ALDH3A2: variants seen among roughly 807,000 people sequenced by gnomAD.
The protein encoded by ALDH3A2 is aldehyde dehydrogenase family 3 member A2.
A neutral mutation model predicts 51.3 loss-of-function variants in ALDH3A2; 36 were observed. The ratio of observed to expected loss-of-function variants is 0.70; its 90% CI spans 0.54 to 0.93. The LOEUF (loss-of-function observed/expected upper bound fraction) is 0.93, where lower values mean the gene tolerates loss of function less well. Among genes scored for constraint, ALDH3A2 ranks in the 40% least tolerant of loss-of-function variants. The pLI, the probability that ALDH3A2 is intolerant of heterozygous loss-of-function variation, is 0.00. For missense variants in ALDH3A2, 552 were observed against 603.1 expected (o/e 0.92, Z 0.89); for synonymous variants, 199 against 219.8 (o/e 0.91, Z 0.84).
intron 6 of ALDH3A2, among the ~76,000 whole-genome samples, chr17:19,662,319 A>G (rs2084976675): frequency 6.6e-6 from 1 of 152,192 alleles, no homozygotes; most frequent in Non-Finnish European, 1.5e-5. Context: ...CTCTGACCTG[A>G]GGAAGATGTG....
intron 9 of ALDH3A2, chr17:19,672,246 C>A (rs763584756): frequency 3.1e-5 from 15 of 482,176 alleles, no homozygotes; most frequent in Non-Finnish European, 4.9e-5. Context: ...GTTTGCTGAT[C>A]TCTGGTCTAA....
rs745394014 is a variant in ALDH3A2 at position 19,651,540 on chromosome 17, A to G, written c.154-7A>G. On this transcript the variant is annotated splice_polypyrimidine_tract_variant and splice_region_variant and intron_variant, in intron 1 of 9. Coordinates refer to ENST00000176643, the MANE Select transcript of ALDH3A2 (RefSeq NM_000382.3). ...CTGCAAGATTAACTGTGATTCTCTT[A>G]TAACAGAGTGAATTCAATGTGTACA... is the stretch of plus-strand genomic sequence containing the variant. 1.2e-6 allele frequency: 2 copies of G among 1,604,768 alleles called. No individual in the cohort carries two copies. Among genetic ancestry groups the G allele is most frequent in the Admixed American group, 1.7e-5 (1 of 60,026 alleles).
chr17:19,669,606 G>T (rs1255809019), intron 8 of ALDH3A2, among the ~76,000 whole-genome samples: 1 of 151,996 alleles, frequency 6.6e-6, no homozygotes, highest in Non-Finnish European at 1.5e-5. Context: ...TGTATGCCAG[G>T]TACTGCGGTT....
chr17:19,655,471 T>C (rs2084882329), intron 3 of ALDH3A2: 1 of 152,226 alleles, frequency 6.6e-6, no homozygotes, highest in Non-Finnish European at 1.5e-5. Context: ...TCTACCAGCT[T>C]CAGTTACCGT....
In ALDH3A2 at chr17:19,671,891, A is replaced by T; in HGVS notation, c.1378A>T (p.Asn460Tyr). The T allele has an allele frequency of 6.2e-7, 1 of 1,614,216 alleles. No homozygotes were observed. Among genetic ancestry groups the T allele is most frequent in the Non-Finnish European group, 8.5e-7 (1 of 1,180,040 alleles). Residue 460 changes from asparagine to tyrosine, a missense_variant, in exon 9 of 10, where the codon AAC (asparagine) becomes TAC (tyrosine). Coordinates refer to ENST00000176643, the MANE Select transcript of ALDH3A2 (RefSeq NM_000382.3). ...WGKFFLLKRF[N>Y]KEKLGLLLLT... is the part of the protein sequence containing the mutation. ...AAAATTTTTTCTCTTGAAACGGTTCAACAAAGAAAAACTCGGTCTCCTGTT... is the reference window on the plus strand; with the variant it reads ...AAAATTTTTTCTCTTGAAACGGTTCTACAAAGAAAAACTCGGTCTCCTGTT...
At chr17:19,655,138 A>C (rs1380351365) in intron 3 of ALDH3A2, 1 of 152,252 alleles carries the variant, frequency 6.6e-6, no homozygotes, top group Non-Finnish European at 1.5e-5. Context: ...TGAGTTCTAC[A>C]TGCAGTTGCT....
At chr17:19,652,842 A>G (rs909015389) in intron 3 of ALDH3A2, 108 of 569,574 alleles carry the variant, frequency 1.9e-4, no homozygotes, top group African/African-American at 1.9e-3. Context: ...TACACAATAT[A>G]TGTAGGCCCA....
chr17:19,675,880 A>G lies in ALDH3A2; in HGVS notation c.*308A>G. 1 of 415,660 alleles carries G rather than the reference A, an allele frequency of 2.4e-6. No individual in the cohort carries two copies. Among genetic ancestry groups the G allele is most frequent in the Non-Finnish European group, 4.5e-6 (1 of 223,356 alleles). 25.7% of individuals were successfully genotyped at this position (415,660 alleles called of 1,614,324 possible). A position where few individuals can be genotyped will look rare whatever the true frequency, so the allele number is the denominator to read the frequency against. On this transcript the variant is annotated 3_prime_UTR_variant, in exon 10 of 10. Transcript: ENST00000176643. ...AACTGCGGGGTTGTAAGGGAGTCTC[A>G]GAACCTCACTGAATCCTTCACTCCA...
chr17:19,661,945 C>G (rs1264397517), intron 6 of ALDH3A2: 3 of 151,794 alleles, frequency 2.0e-5, no homozygotes, highest in African/African-American at 7.3e-5. Context: ...ATTAGCAGTC[C>G]CGAGGTTCTC....
At position 19,654,802 on chromosome 17, in the gene ALDH3A2, C is replaced by T. The variant is rs1405268644; in HGVS notation, c.472-1564C>T. 3.3e-5 allele frequency among the ~76,000 whole-genome samples: 5 copies of T among 152,136 alleles called. No individual in the cohort carries two copies. Among genetic ancestry groups the T allele is most frequent in the Admixed American group, 6.5e-5 (1 of 15,274 alleles). On this transcript the variant is annotated intron_variant, in intron 3 of 9. Coordinates refer to ENST00000176643, the MANE Select transcript of ALDH3A2 (RefSeq NM_000382.3). The surrounding 1 kb of genome is among the most constrained non-coding windows in gnomAD (Gnocchi z 4.5). ...GGGCTGAAGGGCTCCTCAAGCGTGG[C>T]GAGAGTGGGTGCCAAGGCCAAGGAG...
chr17:19,649,383 T>A, intron 1 of ALDH3A2: 1 of 514,764 alleles, frequency 1.9e-6, no homozygotes, highest in South Asian at 2.8e-5. Context: ...GTTACATTTG[T>A]GGTTCTTTTC....
chr17:19,652,635 A>G lies in ALDH3A2; in HGVS notation c.471+3A>G, dbSNP rs1251694677. ...TTCTCCCTCAGTATTTAGACCAGGT[A>G]AGAATTTCTTGACTCATCTCCAACA... On this transcript the variant is annotated splice_donor_region_variant and intron_variant, in intron 3 of 9. Transcript: ENST00000176643. 16 of 1,608,692 alleles carry G rather than the reference A, an allele frequency of 9.9e-6. No individual in the cohort carries two copies. Among genetic ancestry groups the G allele is most frequent in the East Asian group, 4.5e-5 (2 of 44,864 alleles).
upstream of ALDH3A2, chr17:19,648,250 C>T (rs1409712289): frequency 6.6e-6 from 1 of 152,418 alleles, no homozygotes; most frequent in African/African-American, 2.4e-5. Flanking sequence ...GACTAGCTCT[C>T]CAGGGAACTG....
chr17:19,658,065 C>G (rs2084920412), intron 5 of ALDH3A2, among the ~76,000 whole-genome samples: 3 of 152,202 alleles, frequency 2.0e-5, no homozygotes, highest in Admixed American at 2.0e-4. Context: ...GGTGTTAAAT[C>G]TACTTAAACT....
chr17:19,650,937 T>C (rs1217554776), intron 1 of ALDH3A2, among the ~76,000 whole-genome samples: 1 of 152,238 alleles, frequency 6.6e-6, no homozygotes, highest in Non-Finnish European at 1.5e-5. Context: ...GGGGCTGTGA[T>C]ATTAAATAAA....
rs768202306 is a variant in ALDH3A2 at position 19,656,520 on chromosome 17, G to A, written c.626G>A (p.Gly209Glu). The A allele has an allele frequency of 1.9e-6, 3 of 1,614,126 alleles. No homozygotes were observed. The highest frequency in any genetic ancestry group is 2.5e-6 in the Non-Finnish European group (3 of 1,180,022). Reference protein sequence around the residue: ...KHLTPVTLELGGKSPCYIDKD... With the variant: ...KHLTPVTLELEGKSPCYIDKD... Reference sequence around the variant, plus strand: ...CTGACCCCTGTGACTCTTGAACTGGGAGGGAAAAGTCCATGTTATATTGAT... The same window carrying A: ...CTGACCCCTGTGACTCTTGAACTGGAAGGGAAAAGTCCATGTTATATTGAT... The change falls in exon 4 of 10, where the codon GGA becomes GAA. Residue 209 changes from glycine to glutamate, a missense_variant. Physicochemically the swap from Gly to Glu is moderately conservative, Grantham distance 98. Coordinates refer to ENST00000176643, the MANE Select transcript of ALDH3A2 (RefSeq NM_000382.3).
chr17:19,667,156 A>G (rs1290832078), intron 8 of ALDH3A2, among the ~76,000 whole-genome samples: 2 of 152,214 alleles, frequency 1.3e-5, no homozygotes, highest in Non-Finnish European at 2.9e-5. Flanking sequence ...TGAATATTCT[A>G]TTCAAAAAGG....
chr17:19,649,115 C>T lies in ALDH3A2; in HGVS notation c.144C>T (p.Asp48=). Residue 48 remains aspartate (D), a synonymous_variant, in exon 1 of 10, where the codon GAC becomes GAT. Coordinates refer to ENST00000176643, the MANE Select transcript of ALDH3A2 (RefSeq NM_000382.3). ...EKDILTAIAA[D]LCKSEFNVYS... ...ATATCCTGACGGCCATCGCCGCCGA[C>T]CTGTGCAAGGTACGCACGCGTGCGG... 4 of 1,573,516 alleles carry T rather than the reference C, an allele frequency of 2.5e-6. No homozygotes were observed. The highest frequency in any genetic ancestry group is 3.4e-6 in the Non-Finnish European group (4 of 1,159,780).
upstream of ALDH3A2, chr17:19,648,184 G>C (rs377241257): frequency 6.6e-6 from 1 of 152,466 alleles, no homozygotes. Context: ...GTGCAAGAAG[G>C]AAATGACCGC....
Sources: allele counts gnomAD v4.1 joint callset (sites outside exome capture counted in the v4.1 genomes callset), GRCh38; gene constraint gnomAD v4.1.1; non-coding constraint Gnocchi (gnomAD v3.1); transcripts MANE v1.5; gene names NCBI Gene and HGNC (gene_info 2026-07-23, HGNC 2026-07-21).